Variants in LDLRAD4 observed in about 807,000 individuals in gnomAD.
LDLRAD4 encodes low-density lipoprotein receptor class A domain-containing protein 4.
Under a neutral mutation model 17.0 loss-of-function variants are expected in LDLRAD4, and 5 were observed. That is an observed-to-expected ratio of 0.29 (90% CI 0.15 to 0.62). The LOEUF (loss-of-function observed/expected upper bound fraction) is 0.62. Ranked by LOEUF, LDLRAD4 falls within the 20% of genes least tolerant of loss-of-function variation. The pLI, the probability that LDLRAD4 is intolerant of heterozygous loss-of-function variation, is 0.84. For missense variants in LDLRAD4, 340 were observed against 424.7 expected (o/e 0.80, Z 1.75); for synonymous variants, 168 against 171.8 (o/e 0.98, Z 0.17).
intron 1 of LDLRAD4, among the ~76,000 whole-genome samples, chr18:13,318,893 C>A (rs2081071854): frequency 6.6e-6 from 1 of 152,194 alleles, no homozygotes; most frequent in African/African-American, 2.4e-5. Flanking sequence ...GCTCCCTCTC[C>A]ACCACGGACC....
chr18:13,324,715 A>G (rs560976145), intron 1 of LDLRAD4, among the ~76,000 whole-genome samples: 9 of 152,262 alleles, frequency 5.9e-5, no homozygotes, highest in South Asian at 2.1e-4. Context: ...GTCTCAATCA[A>G]TTTAGAGGCT....
chr18:13,495,294 C>T (rs530312705), intron 3 of LDLRAD4, among the ~76,000 whole-genome samples: 7 of 152,228 alleles, frequency 4.6e-5, no homozygotes, highest in East Asian at 1.9e-4. Context: ...GAATACGGTG[C>T]GGGGAGGGCT....
chr18:13,354,643 C>T (rs909648709), intron 1 of LDLRAD4, among the ~76,000 whole-genome samples: 13 of 152,314 alleles, frequency 8.5e-5, no homozygotes, highest in South Asian at 4.1e-4. Context: ...CAGTGATCAG[C>T]TGAGCCTTCT....
chr18:13,436,254 A>C (rs1218833437), intron 2 of LDLRAD4, among the ~76,000 whole-genome samples: 4 of 152,230 alleles, frequency 2.6e-5, no homozygotes, highest in Non-Finnish European at 5.9e-5. Flanking sequence ...ATGTCTCAGT[A>C]CCTAGCACAG....
chr18:13,451,240 T>C (rs1024739836), intron 3 of LDLRAD4, among the ~76,000 whole-genome samples: 2 of 152,146 alleles, frequency 1.3e-5, no homozygotes, highest in African/African-American at 2.4e-5. Flanking sequence ...CCCCTCCAAA[T>C]CTCATGTTGA....
chr18:13,571,584 A>G (rs548736781), intron 3 of LDLRAD4, among the ~76,000 whole-genome samples: 35 of 152,356 alleles, frequency 2.3e-4, no homozygotes, highest in South Asian at 1.9e-3. Context: ...TGCATAGGCC[A>G]GTGTTGCTTT....
intron 4 of LDLRAD4, among the ~76,000 whole-genome samples, chr18:13,623,193 C>A (rs1309893690): frequency 6.6e-6 from 1 of 152,244 alleles, no homozygotes; most frequent in African/African-American, 2.4e-5. Flanking sequence ...GTGTGATGCC[C>A]TTTCCCGGGA....
At chr18:13,316,047 G>T (rs966374322) in intron 1 of LDLRAD4, among the ~76,000 whole-genome samples, 9 of 152,102 alleles carry the variant, frequency 5.9e-5, no homozygotes, top group African/African-American at 2.2e-4. Flanking sequence ...ACGGTGAGAG[G>T]AGAGAGATGG....
chr18:13,428,963 A>ATG (rs1438651209), intron 2 of LDLRAD4, among the ~76,000 whole-genome samples: 1 of 152,160 alleles, frequency 6.6e-6, no homozygotes, highest in Non-Finnish European at 1.5e-5. Flanking sequence ...TCAGGGATAA[A>ATG]TGTGGGAATT....
chr18:13,534,387 C>T (rs1054369), intron 3 of LDLRAD4, among the ~76,000 whole-genome samples: 84,446 of 151,968 alleles, frequency 0.56, 23,945 homozygotes, highest in Middle Eastern at 0.76. Flanking sequence ...CCCTGTGTTT[C>T]CCCCATAAAC....
chr18:13,632,563 A>G (rs1181322217), intron 4 of LDLRAD4, among the ~76,000 whole-genome samples: 1 of 152,240 alleles, frequency 6.6e-6, no homozygotes, highest in East Asian at 1.9e-4. Flanking sequence ...GGAACTGCAG[A>G]GTCCCAAAGA....
At chr18:13,600,440 G>A (rs2095148131) in intron 3 of LDLRAD4, among the ~76,000 whole-genome samples, 1 of 152,200 alleles carries the variant, frequency 6.6e-6, no homozygotes, top group African/African-American at 2.4e-5. Flanking sequence ...AGCAGGACAG[G>A]TGGCACTAGA....
chr18:13,406,938 C>G (rs2087820406), intron 2 of LDLRAD4, among the ~76,000 whole-genome samples: 1 of 152,064 alleles, frequency 6.6e-6, no homozygotes, highest in Non-Finnish European at 1.5e-5. Flanking sequence ...CAGACACTGA[C>G]TCAGCAATAA....
rs561681083 is a variant in LDLRAD4, at chr18:13,283,743, G to A, written c.-383+5555G>A. ...TTTCACATTTTCGAGTATCTTTTCAGCAGTGCTCCACTCTACTGATACCAA... is the reference window on the plus strand; with the variant it reads ...TTTCACATTTTCGAGTATCTTTTCAACAGTGCTCCACTCTACTGATACCAA... On this transcript the variant is annotated intron_variant, in intron 1 of 5. Transcript: ENST00000359446. Among the ~76,000 whole-genome samples the A allele has an allele frequency of 2.6e-5, 4 of 152,266 alleles. No individual in the cohort carries two copies. In the East Asian group the frequency reaches 7.7e-4, roughly 29 times the overall value.
chr18:13,247,363 T>G (rs187322327), intron 1 of LDLRAD4, among the ~76,000 whole-genome samples: 187 of 152,310 alleles, frequency 1.2e-3, no homozygotes, highest in African/African-American at 4.3e-3. Flanking sequence ...GAAATTAACG[T>G]TGGTAGAAAA....
chr18:13,610,655 T>C (rs2039461762), intron 3 of LDLRAD4, among the ~76,000 whole-genome samples: 1 of 152,158 alleles, frequency 6.6e-6, no homozygotes, highest in African/African-American at 2.4e-5. Context: ...AGGCCCTGGC[T>C]TGAGGGCAAG....
At chr18:13,219,657 A>G (rs1212014554) in intron 1 of LDLRAD4, among the ~76,000 whole-genome samples, 2 of 152,212 alleles carry the variant, frequency 1.3e-5, no homozygotes, top group Non-Finnish European at 2.9e-5. Flanking sequence ...ACTCTCAAAA[A>G]TAGGGTCCTA....
At chr18:13,641,472 A>G (rs1275457956) in intron 4 of LDLRAD4, among the ~76,000 whole-genome samples, 1 of 152,272 alleles carries the variant, frequency 6.6e-6, no homozygotes, top group Non-Finnish European at 1.5e-5. Flanking sequence ...AGATGGATCC[A>G]TCGATTGATT....
intron 3 of LDLRAD4, among the ~76,000 whole-genome samples, chr18:13,592,102 G>T (rs1015580297): frequency 6.6e-6 from 1 of 152,186 alleles, no homozygotes; most frequent in Non-Finnish European, 1.5e-5. Context: ...CTAGTGTATT[G>T]CTGGTTTGTT....
Sources: gnomAD v4.1 joint callset for allele counts (sites outside exome capture counted in the v4.1 genomes callset) on GRCh38, gnomAD v4.1.1 for gene constraint, MANE v1.5 for transcripts, NCBI Gene and HGNC (gene_info 2026-07-23, HGNC 2026-07-21) for gene names.